Variants in XRCC4 observed in about 807,000 individuals in gnomAD.
XRCC4 encodes DNA repair protein XRCC4.
Under a neutral mutation model 39.1 loss-of-function variants are expected in XRCC4, and 28 were observed. The observed-to-expected ratio is 0.72, with a 90% CI of 0.53 to 0.98. The LOEUF (loss-of-function observed/expected upper bound fraction) is 0.98, where lower values mean the gene tolerates loss of function less well. XRCC4 is among the 50% of genes least tolerant of loss of function. The pLI is 0.00. For missense variants in XRCC4, 350 were observed against 376.4 expected, an observed-to-expected ratio of 0.93 and a Z score of 0.58; for synonymous variants, 123 against 126.4, an observed-to-expected ratio of 0.97 and a Z score of 0.18.
In XRCC4 at chr5:83,324,262, A is replaced by G. The variant is rs374613233; in HGVS notation, c.894-28869A>G. 3.5e-4 allele frequency among the ~76,000 whole-genome samples: 53 copies of G among 152,260 alleles called. 1 individual carries two copies. The East Asian group carries it at 6.6e-3, about 19-fold the overall frequency. On this transcript the variant is annotated intron_variant, in intron 7 of 7. Transcript: ENST00000396027. ...ATTATTGTTAATCTCAGCATACTAT[A>G]AAGAACATGAATGTACTGTACACAC...
At chr5:83,288,945 G>A (rs1754825217) in intron 7 of XRCC4, among the ~76,000 whole-genome samples, 2 of 151,176 alleles carry the variant, frequency 1.3e-5, no homozygotes, top group African/African-American at 4.9e-5. Flanking sequence ...AACAGTTCTT[G>A]GATATTCTGT....
intron 3 of XRCC4, among the ~76,000 whole-genome samples, chr5:83,176,462 C>T (rs191708594): frequency 3.0e-4 from 46 of 151,908 alleles, no homozygotes; most frequent in Non-Finnish European, 5.1e-4. Flanking sequence ...GGGTAGAGGC[C>T]GTGGAAGGCT....
At chr5:83,117,571 T>A (rs552038019) in intron 3 of XRCC4, among the ~76,000 whole-genome samples, 1 of 152,188 alleles carries the variant, frequency 6.6e-6, no homozygotes, top group Non-Finnish European at 1.5e-5. Flanking sequence ...TCTGTGCAAT[T>A]TTTAAGTGAT....
intron 3 of XRCC4, among the ~76,000 whole-genome samples, chr5:83,120,047 T>C (rs1442217650): frequency 8.2e-6 from 1 of 122,250 alleles, no homozygotes; most frequent in African/African-American, 3.3e-5. Flanking sequence ...ACAAACAAAA[T>C]AAAAAACCAG....
chr5:83,122,599 T>G (rs1329728585), intron 3 of XRCC4, among the ~76,000 whole-genome samples: 1 of 152,180 alleles, frequency 6.6e-6, no homozygotes, highest in Non-Finnish European at 1.5e-5. Context: ...GCATTTTATA[T>G]TAGGTTTATC....
At chr5:83,095,986 C>G (rs913584737) in intron 1 of XRCC4, among the ~76,000 whole-genome samples, 2 of 151,836 alleles carry the variant, frequency 1.3e-5, no homozygotes, top group African/African-American at 2.4e-5. Flanking sequence ...TTCAGACTTA[C>G]ACGAATCCCA....
rs115361496 is a variant in XRCC4 at position 83,344,073 on chromosome 5, G to A, written c.894-9058G>A. On this transcript the variant is annotated intron_variant, in intron 7 of 7. Coordinates refer to ENST00000396027, the MANE Select transcript of XRCC4 (RefSeq NM_003401.5). Reference sequence around the variant, plus strand: ...TCCAGAACCATTCTCTCATGAAATAGCAGATCAGATCCAAAAGTATTATGT... The same window carrying A: ...TCCAGAACCATTCTCTCATGAAATAACAGATCAGATCCAAAAGTATTATGT... Among the ~76,000 whole-genome samples the A allele has an allele frequency of 4.9e-3, 739 of 151,528 alleles. 9 individuals are homozygous for A. Among genetic ancestry groups the A allele is most frequent in the African/African-American group, 0.017 (703 of 41,276 alleles).
chr5:83,340,561 G>A (rs1014424217), intron 7 of XRCC4, among the ~76,000 whole-genome samples: 1 of 150,990 alleles, frequency 6.6e-6, no homozygotes, highest in African/African-American at 2.4e-5. Context: ...GAAGGAGTCC[G>A]CCTGCCATTG....
At chr5:83,201,654 T>C (rs544139021) in intron 4 of XRCC4, 3 of 152,172 alleles carry the variant, frequency 2.0e-5, no homozygotes, top group African/African-American at 7.2e-5. Flanking sequence ...AGAACTCAAA[T>C]TGGCCATCAC....
intron 3 of XRCC4, among the ~76,000 whole-genome samples, chr5:83,165,329 A>T (rs1749412611): frequency 6.6e-6 from 1 of 152,052 alleles, no homozygotes; most frequent in Admixed American, 6.5e-5. Context: ...ATTGATTTAT[A>T]TATTATAGAT....
the XRCC4 span, among the ~76,000 whole-genome samples, chr5:83,359,119 C>T: frequency 1.3e-5 from 2 of 152,140 alleles, no homozygotes; most frequent in Non-Finnish European, 2.9e-5. Flanking sequence ...TGTGAATACA[C>T]ACCAGGTCTT....
chr5:83,177,986 A>G (rs1405605389), intron 3 of XRCC4, among the ~76,000 whole-genome samples: 1 of 152,154 alleles, frequency 6.6e-6, no homozygotes, highest in Admixed American at 6.6e-5. Context: ...TGGGGATTGG[A>G]ACTAAGATAG....
At chr5:83,344,631 T>C (rs1756867197) in intron 7 of XRCC4, among the ~76,000 whole-genome samples, 1 of 152,098 alleles carries the variant, frequency 6.6e-6, no homozygotes, top group African/African-American at 2.4e-5. Flanking sequence ...TATATGAAAA[T>C]TTAATAATTA....
At chr5:83,217,398 G>T (rs1485591268) in intron 6 of XRCC4, among the ~76,000 whole-genome samples, 1 of 145,962 alleles carries the variant, frequency 6.9e-6, no homozygotes, top group East Asian at 2.0e-4. Flanking sequence ...AATTTGAGCT[G>T]TTCAGAAAAA....
chr5:83,312,031 G>T (rs1417151419), intron 7 of XRCC4, among the ~76,000 whole-genome samples: 1 of 152,134 alleles, frequency 6.6e-6, no homozygotes, highest in Non-Finnish European at 1.5e-5. Context: ...AGGGGCCTGG[G>T]AACATATATT....
chr5:83,182,877 C>T (rs901874231), intron 3 of XRCC4, among the ~76,000 whole-genome samples: 3 of 152,116 alleles, frequency 2.0e-5, no homozygotes, highest in Non-Finnish European at 2.9e-5. Context: ...GCACCTTGAT[C>T]TTAGACTTCC....
chr5:83,217,358 C>CAAAA lies in XRCC4; in HGVS notation c.745+12453_745+12456dup, dbSNP rs59416363. ...GGCAGCGCAGAGCAAGACTCCGTCT[C>CAAAA]AAAAAAAAAAAAAAAAAAACCATTG... On this transcript the variant is annotated intron_variant, in intron 6 of 7. Coordinates refer to ENST00000396027, the MANE Select transcript of XRCC4 (RefSeq NM_003401.5). Among the ~76,000 whole-genome samples the CAAAA allele has an allele frequency of 4.0e-4, 38 of 96,116 alleles. 3 individuals carry two copies. Among genetic ancestry groups the CAAAA allele is most frequent in the African/African-American group, 1.6e-3 (35 of 21,252 alleles). 63.1% of individuals were successfully genotyped at this position (96,116 alleles called of 152,430 possible).
intron 6 of XRCC4, among the ~76,000 whole-genome samples, chr5:83,208,071 A>G (rs1751487875): frequency 6.6e-6 from 1 of 152,004 alleles, no homozygotes; most frequent in South Asian, 2.1e-4. Context: ...TGTTATAGTA[A>G]ATGGATTTTT....
In XRCC4 at chr5:83,204,881, G is replaced by T; in HGVS notation, c.705G>T (p.Glu235Asp). Residue 235 changes from glutamate (E) to aspartate (D), a missense_variant, in exon 6 of 8, where the codon GAG (glutamate) becomes GAT (aspartate). By Grantham distance (45) the Glu-to-Asp change is conservative. Transcript: ENST00000396027. ...CAGTCTATGATGAGAGTACTGATGAGGAAAGTGAAAACCAAACTGATCTCT... is the reference window on the plus strand; with the variant it reads ...CAGTCTATGATGAGAGTACTGATGATGAAAGTGAAAACCAAACTGATCTCT... The part of the protein sequence containing the change: ...RDPVYDESTD[E>D]ESENQTDLSG... The T allele has an allele frequency of 2.5e-6, 4 of 1,612,376 alleles. No homozygotes were observed. Among genetic ancestry groups the T allele is most frequent in the Non-Finnish European group, 3.4e-6 (4 of 1,178,802 alleles).
Sources: gnomAD v4.1 joint callset for allele counts (sites outside exome capture counted in the v4.1 genomes callset) on GRCh38, gnomAD v4.1.1 for gene constraint, MANE v1.5 for transcripts, NCBI Gene and HGNC (gene_info 2026-07-23, HGNC 2026-07-21) for gene names.